HS6ST3: variants seen among roughly 807,000 people sequenced by gnomAD.
HS6ST3 encodes heparan sulfate 6-O-sulfotransferase 3.
Under a neutral mutation model 36.7 loss-of-function variants are expected in HS6ST3, and 12 were observed. The observed-to-expected ratio is 0.33, with a 90% confidence interval of 0.21 to 0.53. HS6ST3 has a LOEUF of 0.53. Ranked by LOEUF, HS6ST3 falls within the 20% of genes least tolerant of loss-of-function variation. HS6ST3 has a pLI of 0.95. For missense variants in HS6ST3, 584 were observed against 640.9 expected (o/e 0.91, Z 0.96); for synonymous variants, 240 against 257.5 (o/e 0.93, Z 0.65).
At chr13:96,459,040 G>T (rs1039785468) in intron 1 of HS6ST3, among the ~76,000 whole-genome samples, 1 of 147,908 alleles carries the variant, frequency 6.8e-6, no homozygotes, top group Non-Finnish European at 1.5e-5. Context: ...GGAAGTGGAG[G>T]TTGCAGTGAG....
chr13:96,781,280 C>T (rs1030101837), intron 1 of HS6ST3, among the ~76,000 whole-genome samples: 10 of 152,188 alleles, frequency 6.6e-5, no homozygotes, highest in Admixed American at 1.3e-4. Context: ...AGGCACTACA[C>T]GTCTTCCAAG....
At chr13:96,370,891 C>T (rs1331108167) in intron 1 of HS6ST3, among the ~76,000 whole-genome samples, 1 of 151,958 alleles carries the variant, frequency 6.6e-6, no homozygotes, top group African/African-American at 2.4e-5. Context: ...GAGCGAGACA[C>T]CGTATCAAAG....
intron 1 of HS6ST3, among the ~76,000 whole-genome samples, chr13:96,119,830 C>T (rs759728141): frequency 2.1e-5 from 3 of 145,606 alleles, no homozygotes; most frequent in South Asian, 2.2e-4. Flanking sequence ...TATTGCCTTA[C>T]GATTAAAATT....
rs76308128 is a variant in HS6ST3 at position 96,468,091 on chromosome 13, A to G, written c.708-364399A>G. On this transcript the variant is annotated intron_variant, in intron 1 of 1. Transcript: ENST00000376705. ...ATCTAAGGGCTATGTTTTCCTAATG[A>G]TTACAACTTCTGTTTTCTTTAACCA... Among the ~76,000 whole-genome samples, 586 of 152,302 alleles carry G rather than the reference A, an allele frequency of 3.8e-3. 5 individuals carry two copies. Among genetic ancestry groups the G allele is most frequent in the African/African-American group, 0.014 (565 of 41,572 alleles).
At chr13:96,211,589 G>A (rs1037433605) in intron 1 of HS6ST3, among the ~76,000 whole-genome samples, 9 of 152,108 alleles carry the variant, frequency 5.9e-5, no homozygotes, top group Non-Finnish European at 1.3e-4. Flanking sequence ...AATATCCAAA[G>A]CCTTTAAATA....
intron 1 of HS6ST3, among the ~76,000 whole-genome samples, chr13:96,736,391 G>T (rs1876285043): frequency 6.6e-6 from 1 of 152,076 alleles, no homozygotes; most frequent in African/African-American, 2.4e-5. Flanking sequence ...ACAAAGAATG[G>T]CAGTTTATAA....
intron 1 of HS6ST3, among the ~76,000 whole-genome samples, chr13:96,753,850 C>T (rs887545486): frequency 1.3e-5 from 2 of 151,972 alleles, no homozygotes; most frequent in Non-Finnish European, 2.9e-5. Flanking sequence ...GACTGAGTCT[C>T]GCTCTGTTGC....
chr13:96,503,963 A>G (rs559781578), intron 1 of HS6ST3, among the ~76,000 whole-genome samples: 70 of 152,210 alleles, frequency 4.6e-4, no homozygotes, highest in Middle Eastern at 3.4e-3. Flanking sequence ...GTAGCCTCAC[A>G]AGGTGAAGAC....
chr13:96,345,663 A>G (rs755018900), intron 1 of HS6ST3, among the ~76,000 whole-genome samples: 3 of 152,106 alleles, frequency 2.0e-5, no homozygotes, highest in African/African-American at 4.8e-5. Context: ...GTGGAAGACA[A>G]CTTTTCCACG....
intron 1 of HS6ST3, among the ~76,000 whole-genome samples, chr13:96,505,710 CT>C (rs1228464163): frequency 6.6e-6 from 1 of 152,082 alleles, no homozygotes; most frequent in Non-Finnish European, 1.5e-5. Flanking sequence ...TATTGAAGCC[CT>C]TTAAAAATTC....
At chr13:96,241,529 G>A (rs2054559962) in intron 1 of HS6ST3, among the ~76,000 whole-genome samples, 1 of 151,516 alleles carries the variant, frequency 6.6e-6, no homozygotes, top group Non-Finnish European at 1.5e-5. Context: ...TTTATCAATT[G>A]TATTTAATGG....
chr13:96,691,910 A>G (rs1332993969), intron 1 of HS6ST3, among the ~76,000 whole-genome samples: 1 of 152,104 alleles, frequency 6.6e-6, no homozygotes, highest in Non-Finnish European at 1.5e-5. Context: ...GATAGAAATT[A>G]AACAATGCAC....
chr13:96,431,253 AAC>A (rs1555304645), intron 1 of HS6ST3, among the ~76,000 whole-genome samples: 1 of 142,376 alleles, frequency 7.0e-6, no homozygotes, highest in African/African-American at 2.6e-5. Flanking sequence ...CAACAACAAC[AAC>A]AAATAAACCA....
In HS6ST3 at chr13:96,597,467, A is replaced by G. The variant is rs564460358; in HGVS notation, c.708-235023A>G. Among the ~76,000 whole-genome samples, 447 of 152,002 alleles carry G rather than the reference A, an allele frequency of 2.9e-3. 2 individuals carry two copies. Among genetic ancestry groups the G allele is most frequent in the African/African-American group, 9.3e-3 (385 of 41,502 alleles). On this transcript the variant is annotated intron_variant, in intron 1 of 1. Transcript: ENST00000376705. ...TTTTCATATTTTTTGCCATTTGTATAATTTCTTTTGAGAAAAATATGAACA... is the reference window on the plus strand; with the variant it reads ...TTTTCATATTTTTTGCCATTTGTATGATTTCTTTTGAGAAAAATATGAACA...
chr13:96,347,358 T>C (rs1385657397), intron 1 of HS6ST3, among the ~76,000 whole-genome samples: 1 of 152,188 alleles, frequency 6.6e-6, no homozygotes, highest in Non-Finnish European at 1.5e-5. Flanking sequence ...CCAACCACTT[T>C]TATGCCTCAT....
chr13:96,482,161 A>C (rs2055892873), intron 1 of HS6ST3, among the ~76,000 whole-genome samples: 1 of 152,184 alleles, frequency 6.6e-6, no homozygotes, highest in Non-Finnish European at 1.5e-5. Flanking sequence ...AAATATTCTT[A>C]TTAATAATAA....
intron 1 of HS6ST3, among the ~76,000 whole-genome samples, chr13:96,461,069 A>G (rs1312568594): frequency 6.6e-6 from 1 of 152,250 alleles, no homozygotes; most frequent in Non-Finnish European, 1.5e-5. Flanking sequence ...TGCAGAATGC[A>G]ATAATTTACA....
At chr13:96,279,355 GGT>G (rs1405906455) in intron 1 of HS6ST3, among the ~76,000 whole-genome samples, 1 of 152,036 alleles carries the variant, frequency 6.6e-6, no homozygotes, top group Non-Finnish European at 1.5e-5. Flanking sequence ...CGCTGGGTAC[GGT>G]GTATATTTTG....
chr13:96,625,976 A>G (rs1280851542), intron 1 of HS6ST3, among the ~76,000 whole-genome samples: 13 of 150,650 alleles, frequency 8.6e-5, no homozygotes, highest in African/African-American at 3.2e-4. Flanking sequence ...AGCTGGGACT[A>G]CAGGCGCCTG....
Sources: gnomAD v4.1 joint callset for allele counts (sites outside exome capture counted in the v4.1 genomes callset) on GRCh38, gnomAD v4.1.1 for gene constraint, MANE v1.5 for transcripts, NCBI Gene and HGNC (gene_info 2026-07-23, HGNC 2026-07-21) for gene names.